ATRNL1: variants seen among roughly 807,000 people sequenced by gnomAD.
The protein encoded by ATRNL1 is attractin-like protein 1.
ATRNL1 carries 95 observed loss-of-function variants against 182.7 expected under a neutral mutation model. The ratio of observed to expected loss-of-function variants is 0.52; its 90% confidence interval spans 0.44 to 0.62. ATRNL1 has a LOEUF of 0.62. Among genes scored for constraint, ATRNL1 ranks in the 20% least tolerant of loss-of-function variants. The pLI, the probability that ATRNL1 is intolerant of heterozygous loss-of-function variation, is 0.00. For synonymous variants in ATRNL1, 576 were observed against 568.3 expected (o/e 1.01, Z -0.19); for missense variants, 1,471 against 1,679.5 (o/e 0.88, Z 2.17).
chr10:115,215,953 G>A (rs1314097774), intron 9 of ATRNL1, 73 bp downstream of exon 9: 1 of 1,192,016 alleles, frequency 8.4e-7, no homozygotes, highest in Non-Finnish European at 1.1e-6. Flanking sequence ...AATGGTTTCT[G>A]ACATAGAAAT....
chr10:115,465,583 A>G (rs1481520146), intron 22 of ATRNL1, among the ~76,000 whole-genome samples: 1 of 145,460 alleles, frequency 6.9e-6, no homozygotes, highest in East Asian at 2.0e-4. Context: ...TTGTCAATAG[A>G]ATTCAGTATT....
intron 20 of ATRNL1, among the ~76,000 whole-genome samples, chr10:115,402,490 C>CA (rs556215517): frequency 5.3e-4 from 81 of 151,874 alleles, no homozygotes; most frequent in African/African-American, 1.9e-3. Flanking sequence ...CTTATCTAGC[C>CA]AAAAAAAGTT....
At chr10:115,264,639 T>C (rs2133878292) in intron 10 of ATRNL1, among the ~76,000 whole-genome samples, 1 of 151,730 alleles carries the variant, frequency 6.6e-6, no homozygotes. Context: ...TTTATGATTT[T>C]CATTTTTTAT....
intron 26 of ATRNL1, among the ~76,000 whole-genome samples, chr10:115,562,851 C>T (rs954956819): frequency 2.6e-5 from 4 of 152,126 alleles, no homozygotes; most frequent in African/African-American, 9.7e-5. Context: ...GGCTTAAGTT[C>T]ATAACCAGTG....
chr10:115,318,826 G>A (rs1854438086), intron 18 of ATRNL1, among the ~76,000 whole-genome samples: 1 of 151,308 alleles, frequency 6.6e-6, no homozygotes, highest in Admixed American at 6.6e-5. Flanking sequence ...TATTTTCTTA[G>A]TTTTTCAAAA....
chr10:115,143,878 A>G (rs549354847), intron 5 of ATRNL1, among the ~76,000 whole-genome samples: 13 of 152,188 alleles, frequency 8.5e-5, no homozygotes, highest in South Asian at 2.1e-4. Context: ...TTACCTGTCC[A>G]GAGCCCCACC....
At chr10:115,802,932 G>T (rs1949831448) in intron 27 of ATRNL1, among the ~76,000 whole-genome samples, 1 of 152,084 alleles carries the variant, frequency 6.6e-6, no homozygotes, top group Non-Finnish European at 1.5e-5. Context: ...CAGGCAAAAA[G>T]AATATATGAA....
intron 24 of ATRNL1, among the ~76,000 whole-genome samples, chr10:115,500,713 G>C (rs1849782773): frequency 6.6e-6 from 1 of 151,252 alleles, no homozygotes; most frequent in Admixed American, 6.6e-5. Flanking sequence ...GGCTAATTTT[G>C]TATTTTTAGT....
intron 28 of ATRNL1, among the ~76,000 whole-genome samples, chr10:115,877,820 T>C (rs1171253155): frequency 4.6e-5 from 7 of 152,270 alleles, no homozygotes; most frequent in Admixed American, 4.6e-4. Flanking sequence ...ATTTCACATA[T>C]ATTTTATTCA....
At chr10:115,768,341 C>A (rs868919068) in intron 27 of ATRNL1, among the ~76,000 whole-genome samples, 1 of 151,870 alleles carries the variant, frequency 6.6e-6, no homozygotes, top group Non-Finnish European at 1.5e-5. Flanking sequence ...CTTAAAAAAC[C>A]CTTTTTCTTT....
intron 24 of ATRNL1, among the ~76,000 whole-genome samples, chr10:115,506,294 C>T (rs1372193455): frequency 1.3e-5 from 2 of 151,830 alleles, no homozygotes; most frequent in African/African-American, 2.4e-5. Flanking sequence ...GGGAAAAAGA[C>T]TGAAGGAACA....
chr10:115,371,784 A>G (rs1451914752), intron 19 of ATRNL1, among the ~76,000 whole-genome samples: 2 of 152,134 alleles, frequency 1.3e-5, no homozygotes, highest in Non-Finnish European at 2.9e-5. Context: ...TGGTTTTGGA[A>G]TGTGAAGACA....
intron 28 of ATRNL1, among the ~76,000 whole-genome samples, chr10:115,939,510 C>T (rs748921161): frequency 6.6e-6 from 1 of 152,160 alleles, no homozygotes; most frequent in Admixed American, 6.5e-5. Context: ...TTTGTTGAAT[C>T]TACTGGTATA....
intron 21 of ATRNL1, among the ~76,000 whole-genome samples, chr10:115,451,355 C>A (rs537483247): frequency 6.6e-6 from 1 of 152,098 alleles, no homozygotes; most frequent in African/African-American, 2.4e-5. Context: ...AAAATATTTG[C>A]AAACTATGCG....
intron 28 of ATRNL1, among the ~76,000 whole-genome samples, chr10:115,931,769 C>T (rs1953401600): frequency 6.6e-6 from 1 of 152,204 alleles, no homozygotes; most frequent in Admixed American, 6.5e-5. Context: ...CTCCATCCAT[C>T]CCTTAACCCA....
intron 28 of ATRNL1, among the ~76,000 whole-genome samples, chr10:115,875,629 C>T (rs755562908): frequency 1.6e-4 from 25 of 152,272 alleles, no homozygotes; most frequent in Middle Eastern, 3.4e-3. Flanking sequence ...TACCTACTTC[C>T]GTGCTGAAAG....
At chr10:115,218,185 C>T (rs180749797) in intron 9 of ATRNL1, among the ~76,000 whole-genome samples, 256 of 151,630 alleles carry the variant, frequency 1.7e-3, no homozygotes, top group Non-Finnish European at 3.1e-3. Flanking sequence ...TAGATGGTCC[C>T]ATTCTGGGGG....
intron 26 of ATRNL1, among the ~76,000 whole-genome samples, chr10:115,632,932 G>A (rs57484385): frequency 0.034 from 3,378 of 99,880 alleles, 120 homozygotes; most frequent in African/African-American, 0.098. Context: ...TCACTCTGTC[G>A]CCCAGGCTGG....
chr10:115,834,159 A>G (rs2134319290), intron 27 of ATRNL1, among the ~76,000 whole-genome samples: 1 of 152,016 alleles, frequency 6.6e-6, no homozygotes. Flanking sequence ...CCTTTAGTCC[A>G]CTCCAAGAAC....
Sources: gnomAD v4.1 joint callset for allele counts (sites outside exome capture counted in the v4.1 genomes callset) on GRCh38, gnomAD v4.1.1 for gene constraint, MANE v1.5 for transcripts, NCBI Gene and HGNC (gene_info 2026-07-23, HGNC 2026-07-21) for gene names.